Variants in DGKB observed in about 807,000 individuals in gnomAD.
DGKB encodes diacylglycerol kinase beta.
DGKB carries 67 observed loss-of-function variants against 114.3 expected under a neutral mutation model. The ratio of observed to expected loss-of-function variants is 0.59; its 90% confidence interval spans 0.48 to 0.72. DGKB has a LOEUF of 0.72. Ranked by LOEUF, DGKB falls within the 30% of genes least tolerant of loss-of-function variation. The probability of loss-of-function intolerance (pLI) is 0.00; values close to 1 mark genes in which losing one functional copy is unlikely to be tolerated. For missense variants in DGKB, 907 were observed against 975.2 expected (o/e 0.93, Z 0.93); for synonymous variants, 398 against 323.1 (o/e 1.23, Z -2.49).
chr7:14,459,394 A>G (rs546850392), intron 21 of DGKB, among the ~76,000 whole-genome samples: 1 of 152,332 alleles, frequency 6.6e-6, no homozygotes, highest in East Asian at 1.9e-4. Flanking sequence ...TAACCAGTTT[A>G]GAGAAGAACA....
In DGKB at chr7:14,631,284, A is replaced by AAAG. The variant is rs1181182945; in HGVS notation, c.1135-1017_1135-1016insCTT. On this transcript the variant is annotated intron_variant, in intron 13 of 25. Coordinates refer to ENST00000402815, the MANE Select transcript of DGKB (RefSeq NM_001350709.2). Reference sequence around the variant, plus strand: ...GAACCAAAAAAAAAAAAAAAAAAAGAAAAAAATAGCTGAATCTGAGATAGG... The same window carrying AAAG: ...GAACCAAAAAAAAAAAAAAAAAAAGAAAGAAAAAATAGCTGAATCTGAGATAGG... 8.8e-3 allele frequency among the ~76,000 whole-genome samples: 1,290 copies of AAAG among 145,796 alleles called. 4 individuals are homozygous for AAAG. Among genetic ancestry groups the AAAG allele is most frequent in the Non-Finnish European group, 0.015 (946 of 64,972 alleles).
intron 23 of DGKB, among the ~76,000 whole-genome samples, chr7:14,221,736 T>C (rs899309941): frequency 6.6e-6 from 1 of 151,312 alleles, no homozygotes; most frequent in Non-Finnish European, 1.5e-5. Context: ...GAATAGTGGA[T>C]ATTAATTTTT....
At chr7:14,964,442 G>A (rs1159808420) in intron 1 of DGKB, among the ~76,000 whole-genome samples, 1 of 152,176 alleles carries the variant, frequency 6.6e-6, no homozygotes, top group Non-Finnish European at 1.5e-5. Context: ...AGAGTCTGCA[G>A]TGAGCTAAGA....
intron 14 of DGKB, among the ~76,000 whole-genome samples, chr7:14,624,436 G>C (rs188301510): frequency 2.6e-5 from 4 of 152,238 alleles, no homozygotes; most frequent in Admixed American, 1.3e-4. Context: ...AGTTACAATG[G>C]AACTGGGAAT....
At chr7:14,460,660 A>G (rs1832950093) in intron 21 of DGKB, among the ~76,000 whole-genome samples, 1 of 152,112 alleles carries the variant, frequency 6.6e-6, no homozygotes. Context: ...ATAATGGGAG[A>G]CTTGAACACC....
At position 14,345,445 on chromosome 7, in the gene DGKB, T is replaced by C. The variant is rs1483561484; in HGVS notation, c.1836-54A>G. 3.3e-6 allele frequency: 3 copies of C among 918,218 alleles called. No individual in the cohort carries two copies. In the African/African-American group the frequency reaches 5.0e-5, roughly 15 times the overall value. 56.9% of individuals were successfully genotyped at this position (918,218 alleles called of 1,614,324 possible). Reference sequence around the variant, plus strand: ...GGCAATTATCAATAACAGAGGGATCTTTTAAAAAATGGTCTAACTCTGTCT... The same window carrying C: ...GGCAATTATCAATAACAGAGGGATCCTTTAAAAAATGGTCTAACTCTGTCT... On this transcript the variant is annotated intron_variant, in intron 21 of 25. Coordinates refer to ENST00000402815, the MANE Select transcript of DGKB (RefSeq NM_001350709.2).
At chr7:14,871,630 T>C (rs1852473229) in intron 1 of DGKB, among the ~76,000 whole-genome samples, 1 of 152,172 alleles carries the variant, frequency 6.6e-6, no homozygotes, top group Non-Finnish European at 1.5e-5. Context: ...AATTAGGCCT[T>C]CTGTTTCTTA....
chr7:14,638,143 G>A (rs1432719226), intron 13 of DGKB, among the ~76,000 whole-genome samples: 1 of 151,880 alleles, frequency 6.6e-6, no homozygotes, highest in African/African-American at 2.4e-5. Context: ...TTCTCTACCT[G>A]CTGTAACTCC....
intron 20 of DGKB, among the ~76,000 whole-genome samples, chr7:14,561,975 G>A (rs1419102377): frequency 6.6e-6 from 1 of 152,186 alleles, no homozygotes; most frequent in Non-Finnish European, 1.5e-5. Flanking sequence ...CAGGCCTGGG[G>A]GCCTTGGAGG....
chr7:14,329,982 G>A (rs911151181), intron 23 of DGKB, among the ~76,000 whole-genome samples: 3 of 151,930 alleles, frequency 2.0e-5, no homozygotes, highest in Non-Finnish European at 4.4e-5. Flanking sequence ...GGACAACTGT[G>A]CCACAGAAAC....
At chr7:14,830,031 T>A (rs755586415) in intron 2 of DGKB, among the ~76,000 whole-genome samples, 1 of 152,016 alleles carries the variant, frequency 6.6e-6, no homozygotes, top group African/African-American at 2.4e-5. Flanking sequence ...AAATAAAAAA[T>A]GTTTAAGGAC....
intron 21 of DGKB, among the ~76,000 whole-genome samples, chr7:14,392,102 T>C (rs1821413555): frequency 6.6e-6 from 1 of 152,270 alleles, no homozygotes; most frequent in Admixed American, 6.5e-5. Context: ...AACCTGACAA[T>C]ACCAAAATGT....
At chr7:14,911,224 A>T (rs1256755254) in intron 1 of DGKB, among the ~76,000 whole-genome samples, 1 of 152,088 alleles carries the variant, frequency 6.6e-6, no homozygotes, top group East Asian at 1.9e-4. Context: ...TTCTTTGAAA[A>T]AAATAATGGA....
At chr7:14,231,117 TTC>T (rs780909747) in intron 23 of DGKB, among the ~76,000 whole-genome samples, 3 of 128,490 alleles carry the variant, frequency 2.3e-5, no homozygotes, top group South Asian at 2.7e-4. Flanking sequence ...CTTTCTTTCT[TTC>T]TTTCTTTCTT....
chr7:14,947,453 A>T (rs1785946604), intron 1 of DGKB, among the ~76,000 whole-genome samples: 1 of 151,758 alleles, frequency 6.6e-6, no homozygotes. Flanking sequence ...TTTTTGAAAC[A>T]TACATAGAAA....
intron 16 of DGKB, among the ~76,000 whole-genome samples, chr7:14,610,716 C>G (rs1805394475): frequency 6.6e-6 from 1 of 152,142 alleles, no homozygotes; most frequent in Middle Eastern, 3.4e-3. Context: ...GTGGACAACT[C>G]TGTGCCTTCC....
chr7:14,481,203 C>G (rs1782938080), intron 20 of DGKB, among the ~76,000 whole-genome samples: 1 of 151,866 alleles, frequency 6.6e-6, no homozygotes, highest in Non-Finnish European at 1.5e-5. Flanking sequence ...GTCTCAAATA[C>G]TTGATCACTA....
chr7:14,887,811 A>G (rs1046944566), intron 1 of DGKB, among the ~76,000 whole-genome samples: 5 of 151,766 alleles, frequency 3.3e-5, no homozygotes, highest in African/African-American at 1.2e-4. Context: ...ATTTTAAAAT[A>G]TGCTACTTTA....
At chr7:14,898,084 A>T (rs1782396517) in intron 1 of DGKB, among the ~76,000 whole-genome samples, 1 of 152,036 alleles carries the variant, frequency 6.6e-6, no homozygotes, top group Non-Finnish European at 1.5e-5. Context: ...GGAACCATAT[A>T]GAAAGACTGT....
Sources: gnomAD v4.1 joint callset for allele counts (sites outside exome capture counted in the v4.1 genomes callset) on GRCh38, gnomAD v4.1.1 for gene constraint, MANE v1.5 for transcripts, NCBI Gene and HGNC (gene_info 2026-07-23, HGNC 2026-07-21) for gene names.